PTPRD: variants seen among roughly 807,000 people sequenced by gnomAD.
PTPRD encodes receptor-type tyrosine-protein phosphatase delta.
PTPRD carries 34 observed loss-of-function variants against 214.5 expected under a neutral mutation model. That is an observed-to-expected ratio of 0.16 (90% CI 0.12 to 0.21). PTPRD has a LOEUF of 0.21. Among genes scored for constraint, PTPRD ranks in the 10% least tolerant of loss-of-function variants. The pLI, the probability that PTPRD is intolerant of heterozygous loss-of-function variation, is 1.00. For missense variants in PTPRD, 2,545 were observed against 2,398.7 expected (o/e 1.06, Z -1.27); for synonymous variants, 1,128 against 845.7 (o/e 1.33, Z -5.79).
At chr9:10,418,446 T>TACACACACACACAC (rs3076350) in intron 2 of PTPRD, among the ~76,000 whole-genome samples, 1 of 124,652 alleles carries the variant, frequency 8.0e-6, no homozygotes, top group African/African-American at 3.1e-5. Context: ...CCTTCCCCTC[T>TACACACACACACAC]ACACACACAC....
chr9:9,207,844 T>A (rs2099945829), intron 9 of PTPRD, among the ~76,000 whole-genome samples: 1 of 151,836 alleles, frequency 6.6e-6, no homozygotes, highest in African/African-American at 2.4e-5. Context: ...TAAATCACGG[T>A]GCATCCATAT....
At chr9:9,045,100 G>A (rs188480996) in intron 10 of PTPRD, among the ~76,000 whole-genome samples, 12 of 152,236 alleles carry the variant, frequency 7.9e-5, no homozygotes, top group Admixed American at 3.9e-4. Flanking sequence ...CTAACTAGAC[G>A]TGTTCTGTTA....
chr9:9,287,406 A>G (rs4146135), intron 9 of PTPRD, among the ~76,000 whole-genome samples: 27,595 of 151,748 alleles, frequency 0.18, 2,817 homozygotes, highest in East Asian at 0.36. Context: ...TTAGTGCTAA[A>G]TTATATGTCT....
chr9:9,864,263 G>A (rs1238676924), intron 5 of PTPRD, among the ~76,000 whole-genome samples: 2 of 151,934 alleles, frequency 1.3e-5, no homozygotes, highest in Non-Finnish European at 2.9e-5. Context: ...CCGAGATCGC[G>A]CCTCTGCACT....
intron 7 of PTPRD, among the ~76,000 whole-genome samples, chr9:9,600,425 T>C (rs1178355553): frequency 5.3e-4 from 2 of 3,808 alleles, no homozygotes; most frequent in Non-Finnish European, 0.018. Context: ...CATTCATTCA[T>C]TGTATTAGCC....
At chr9:10,310,743 G>A (rs940058414) in intron 3 of PTPRD, among the ~76,000 whole-genome samples, 1 of 152,078 alleles carries the variant, frequency 6.6e-6, no homozygotes, top group Non-Finnish European at 1.5e-5. Context: ...TTCCTGAATA[G>A]ACACACTTAC....
chr9:10,431,532 C>G (rs964538778), intron 2 of PTPRD, among the ~76,000 whole-genome samples: 11 of 151,758 alleles, frequency 7.2e-5, no homozygotes, highest in Admixed American at 2.6e-4. Flanking sequence ...TCGCAACCTA[C>G]TCATCTGACA....
chr9:10,013,569 A>G (rs538594109), intron 4 of PTPRD, among the ~76,000 whole-genome samples: 1 of 148,182 alleles, frequency 6.7e-6, no homozygotes, highest in South Asian at 2.1e-4. Context: ...TCTACTTCAG[A>G]TACAATGTAG....
intron 11 of PTPRD, among the ~76,000 whole-genome samples, chr9:8,887,756 A>G (rs1252589144): frequency 2.6e-5 from 4 of 152,146 alleles, no homozygotes; most frequent in Admixed American, 6.5e-5. Flanking sequence ...AGAGTTTTCA[A>G]TTGTTGATAT....
Position 9,771,112 on chromosome 9 carries a change from T to G in PTPRD, c.-367-4261A>C, listed in dbSNP as rs1479256486. On this transcript the variant is annotated intron_variant, in intron 5 of 45. Coordinates refer to ENST00000381196, the MANE Select transcript of PTPRD (RefSeq NM_002839.4). ...TGATCATCACAATGATTTATGCACC[T>G]TATGCCCAATCTGAATGTTGTAAAG... is the stretch of plus-strand genomic sequence containing the variant. Among the ~76,000 whole-genome samples, 4 of 152,316 alleles carry G rather than the reference T, an allele frequency of 2.6e-5. No homozygotes were observed. In the East Asian group the frequency reaches 7.7e-4, roughly 29 times the overall value.
intron 2 of PTPRD, among the ~76,000 whole-genome samples, chr9:10,574,601 G>A (rs987805826): frequency 3.3e-5 from 5 of 151,790 alleles, no homozygotes; most frequent in Non-Finnish European, 7.4e-5. Flanking sequence ...ATACATTTGT[G>A]GGTTAATGTT....
At chr9:9,105,627 A>G (rs955418128) in intron 10 of PTPRD, among the ~76,000 whole-genome samples, 10 of 152,184 alleles carry the variant, frequency 6.6e-5, no homozygotes, top group Non-Finnish European at 1.5e-4. Flanking sequence ...TACTTCATCA[A>G]CTAAGATCAG....
chr9:8,829,973 T>A (rs1789987324), intron 11 of PTPRD, among the ~76,000 whole-genome samples: 1 of 152,170 alleles, frequency 6.6e-6, no homozygotes. Context: ...ACAACAGACC[T>A]TTCAGAAAAT....
chr9:8,336,819 G>A (rs1847337927), intron 43 of PTPRD, among the ~76,000 whole-genome samples: 2 of 152,146 alleles, frequency 1.3e-5, no homozygotes, highest in Admixed American at 1.3e-4. Flanking sequence ...CTCAGAAGAA[G>A]ACACCGATGC....
chr9:9,202,224 T>G (rs909663197), intron 9 of PTPRD, among the ~76,000 whole-genome samples: 3 of 152,182 alleles, frequency 2.0e-5, no homozygotes, highest in African/African-American at 7.2e-5. Flanking sequence ...CTACTAAATT[T>G]GCACTCTATT....
chr9:10,266,005 A>T (rs1211186887), intron 3 of PTPRD, among the ~76,000 whole-genome samples: 1 of 152,226 alleles, frequency 6.6e-6, no homozygotes, highest in Non-Finnish European at 1.5e-5. Flanking sequence ...AACTTTGAAT[A>T]TATTACTAAA....
At chr9:10,078,440 T>C (rs35262893) in intron 3 of PTPRD, among the ~76,000 whole-genome samples, 33,330 of 145,062 alleles carry the variant, frequency 0.23, 3,961 homozygotes, top group South Asian at 0.32. Flanking sequence ...TGCTTGAACC[T>C]GGGAGGTGGA....
chr9:9,312,844 C>G (rs1317833804), intron 9 of PTPRD, among the ~76,000 whole-genome samples: 1 of 152,164 alleles, frequency 6.6e-6, no homozygotes, highest in African/African-American at 2.4e-5. Flanking sequence ...AAGCACTCAG[C>G]AAGCCTGCCA....
At chr9:9,538,866 G>GC (rs2077021494) in intron 8 of PTPRD, among the ~76,000 whole-genome samples, 2 of 151,406 alleles carry the variant, frequency 1.3e-5, no homozygotes, top group African/African-American at 4.9e-5. Context: ...TTTTCTTTTG[G>GC]AATATAATAA....
Sources: allele counts gnomAD v4.1 joint callset (sites outside exome capture counted in the v4.1 genomes callset), GRCh38; gene constraint gnomAD v4.1.1; transcripts MANE v1.5; gene names NCBI Gene and HGNC (gene_info 2026-07-23, HGNC 2026-07-21).